GAS6: variants seen among roughly 807,000 people sequenced by gnomAD.
The protein encoded by GAS6 is growth arrest-specific protein 6.
Under a neutral mutation model 75.8 loss-of-function variants are expected in GAS6, and 41 were observed. The ratio of observed to expected loss-of-function variants is 0.54; its 90% CI spans 0.42 to 0.70. The LOEUF is 0.70. Among genes scored for constraint, GAS6 ranks in the 30% least tolerant of loss-of-function variants. The probability of loss-of-function intolerance (pLI) is 0.00; values close to 1 mark genes in which losing one functional copy is unlikely to be tolerated. For missense variants in GAS6, 854 were observed against 940.2 expected (o/e 0.91, Z 1.20); for synonymous variants, 432 against 412.6 (o/e 1.05, Z -0.57).
chr13:113,858,941 C>CATT (rs2051943268), intron 2 of GAS6, among the ~76,000 whole-genome samples: 1 of 140,936 alleles, frequency 7.1e-6, no homozygotes, highest in African/African-American at 2.7e-5. Flanking sequence ...GTGTGCGTGT[C>CATT]ATGCATGTGT....
At chr13:113,859,061 T>C (rs2051945565) in intron 2 of GAS6, among the ~76,000 whole-genome samples, 1 of 151,738 alleles carries the variant, frequency 6.6e-6, no homozygotes, top group African/African-American at 2.4e-5. Flanking sequence ...TGACTGTGTG[T>C]ACGTATGTCT....
intron 13 of GAS6, chr13:113,823,089 A>T (rs2051481845): frequency 2.8e-6 from 1 of 361,012 alleles, no homozygotes; most frequent in African/African-American, 2.1e-5. Flanking sequence ...GATTGCTGTG[A>T]GCCACCATCT....
chr13:113,842,854 C>T (rs2051800659), intron 4 of GAS6: 1 of 396,944 alleles, frequency 2.5e-6, no homozygotes, highest in East Asian at 3.6e-5. Flanking sequence ...TTGACTTTGC[C>T]TGGAATGCCT....
intron 2 of GAS6, among the ~76,000 whole-genome samples, chr13:113,856,741 GA>G (rs1369811728): frequency 6.6e-6 from 1 of 152,224 alleles, no homozygotes; most frequent in Non-Finnish European, 1.5e-5. Flanking sequence ...AGACAGTCCA[GA>G]CACACCCAAA....
rs892914341 is a variant in GAS6, at chr13:113,843,061, G to A, written c.344-3211C>T. The stretch of plus-strand genomic sequence containing the variant: ...ACACCTGAGGGGTGGACAGTCAGCC[G>A]GTGCCCAGCAAATATCTGTGGAATT... On this transcript the variant is annotated intron_variant, in intron 4 of 14. Coordinates refer to ENST00000327773, the MANE Select transcript of GAS6 (RefSeq NM_000820.4). 7 of 388,342 alleles carry A rather than the reference G, an allele frequency of 1.8e-5. No homozygotes were observed. The South Asian group carries it at 5.8e-4, about 32-fold the overall frequency. 24.1% of individuals were successfully genotyped at this position (388,342 alleles called of 1,614,324 possible). A position where few individuals can be genotyped will look rare whatever the true frequency, so the allele number is the denominator to read the frequency against.
intron 2 of GAS6, among the ~76,000 whole-genome samples, chr13:113,859,651 T>C (rs1288073384): frequency 6.6e-6 from 1 of 152,162 alleles, no homozygotes; most frequent in Non-Finnish European, 1.5e-5. Flanking sequence ...TGGGAACATA[T>C]GTACATGTGT....
Position 113,839,984 on chromosome 13 carries a change from C to T in GAS6, c.344-134G>A, listed in dbSNP as rs9604489. On this transcript the variant is annotated intron_variant, in intron 4 of 14. Coordinates refer to ENST00000327773, the MANE Select transcript of GAS6 (RefSeq NM_000820.4). The stretch of plus-strand genomic sequence containing the variant: ...CTCTGAGGGGCGCAGGCTGAGGCAG[C>T]CCCTGGGCACCCGAGCCCTCTGTGC... The T allele has an allele frequency of 0.013, 17,325 of 1,311,612 alleles. 693 individuals are homozygous for T. The African/African-American group carries it at 0.14, about 10-fold the overall frequency. The allele number at this position is 1,311,612 out of a possible 1,614,324, so 81.2% of individuals were successfully genotyped here.
chr13:113,834,817 G>T, intron 7 of GAS6, 145 bp from the exon 8 acceptor site: 1 of 851,394 alleles, frequency 1.2e-6, no homozygotes, highest in Non-Finnish European at 1.6e-6. Context: ...TGGGGGTCGC[G>T]TCCCCCCCCA....
chr13:113,825,082 G>A (rs1252051152), intron 12 of GAS6, among the ~76,000 whole-genome samples: 1 of 152,018 alleles, frequency 6.6e-6, no homozygotes, highest in Non-Finnish European at 1.5e-5. Context: ...GCTGGGTGTG[G>A]TGGTGCATGC....
At position 113,832,470 on chromosome 13, in the gene GAS6, G is replaced by C. The variant is rs368353540; in HGVS notation, c.972C>G (p.Asp324Glu). 1 of 1,601,702 alleles carries C rather than the reference G, an allele frequency of 6.2e-7. No homozygotes were observed. Among genetic ancestry groups the C allele is most frequent in the African/African-American group, 1.3e-5 (1 of 74,772 alleles). ...LQPTRLVAEF[D>E]FRTFDPEGIL... ...TGCCCTCGGGGTCAAAGGTCCGGAA[G>C]TCAAACTCAGCTACCAGCCTGGGCA... Residue 324 changes from aspartate (D) to glutamate (E), a missense_variant, in exon 10 of 15, where the codon GAC becomes GAG. Coordinates refer to ENST00000327773, the MANE Select transcript of GAS6 (RefSeq NM_000820.4).
At chr13:113,842,992 C>T in intron 4 of GAS6, 1 of 395,698 alleles carries the variant, frequency 2.5e-6, no homozygotes, top group Non-Finnish European at 4.4e-6. Flanking sequence ...GTTTATTTCC[C>T]TGTTGGGAAT....
chr13:113,853,922 C>T (rs545496526), intron 2 of GAS6, among the ~76,000 whole-genome samples: 4 of 152,328 alleles, frequency 2.6e-5, no homozygotes, highest in Admixed American at 6.5e-5. Context: ...TCTTCACACC[C>T]GCAGCAGCCT....
Position 113,839,326 on chromosome 13 carries a change from C to T in GAS6, c.466+402G>A, listed in dbSNP as rs1034212941. 7 of 189,346 alleles carry T rather than the reference C, an allele frequency of 3.7e-5. No homozygotes were observed. The South Asian group carries it at 8.5e-4, about 23-fold the overall frequency. The allele number at this position is 189,346 out of a possible 1,614,324, so 11.7% of individuals were successfully genotyped here. ...AAGGACGGTCAGAGGTGAAATCTCC[C>T]CCCGGCCTTTCAATCAGTGGGTGCC... On this transcript the variant is annotated intron_variant, in intron 5 of 14. Transcript: ENST00000327773.
At chr13:113,839,321 T>C in intron 5 of GAS6, 2 of 183,624 alleles carry the variant, frequency 1.1e-5, no homozygotes, top group South Asian at 1.3e-4. Context: ...AGAGGTGAAA[T>C]CTCCCCCCGG....
At chr13:113,846,845 C>T (rs1259433182) in intron 3 of GAS6, 9 of 531,296 alleles carry the variant, frequency 1.7e-5, no homozygotes, top group East Asian at 3.4e-5. Flanking sequence ...CCCGCCGTTT[C>T]GAGGGGGCTC....
intron 12 of GAS6, among the ~76,000 whole-genome samples, chr13:113,824,011 C>G (rs73583237): frequency 1.4e-5 from 2 of 145,202 alleles, no homozygotes; most frequent in East Asian, 3.9e-4. Context: ...AGATAGCATG[C>G]GGACAGGAGC....
rs2051849055 is a variant in GAS6, at chr13:113,848,229, G to A, written c.256-179C>T. Among the ~76,000 whole-genome samples the A allele has an allele frequency of 6.6e-6, 1 of 152,108 alleles. No individual in the cohort carries two copies. Among genetic ancestry groups the A allele is most frequent in the Non-Finnish European group, 1.5e-5 (1 of 68,016 alleles). On this transcript the variant is annotated intron_variant, in intron 2 of 14. Transcript: ENST00000327773. The surrounding 1 kb of genome is among the most constrained non-coding windows in gnomAD (Gnocchi z 4.8). ...ACTGCTGTGAGACCAACAAGCAAAG[G>A]CAGGGCCATTTCCAGCTGCGTAGGA...
intron 2 of GAS6, among the ~76,000 whole-genome samples, chr13:113,852,516 G>T (rs1422445488): frequency 6.6e-6 from 1 of 152,166 alleles, no homozygotes; most frequent in East Asian, 1.9e-4. Context: ...CCCCAAATTT[G>T]TTATAAAACT....
In GAS6 at chr13:113,863,577, T is replaced by A; in HGVS notation, c.253A>T (p.Thr85Ser). 1 of 1,512,802 alleles carries A rather than the reference T, an allele frequency of 6.6e-7. No individual in the cohort carries two copies. Among genetic ancestry groups the A allele is most frequent in the Non-Finnish European group, 8.8e-7 (1 of 1,133,504 alleles). 93.7% of individuals were successfully genotyped at this position (1,512,802 alleles called of 1,614,324 possible). Reference sequence around the variant, plus strand: ...CATCCCGCCCGCCGGCTGCTCACCGTCTCGGGGTCGTTCTCGAACACCTCC... The same window carrying A: ...CATCCCGCCCGCCGGCTGCTCACCGACTCGGGGTCGTTCTCGAACACCTCC... The part of the protein sequence containing the change: ...AREVFENDPE[T>S]DYFYPRYLDC... The change falls in exon 2 of 15, where the codon ACG becomes TCG. Residue 85 changes from threonine (T) to serine (S), a missense_variant and splice_region_variant. Transcript: ENST00000327773. This position sits in a 1 kb window ranked among gnomAD's most constrained non-coding sequence, Gnocchi z 9.4.
Sources: gnomAD v4.1 joint callset for allele counts (sites outside exome capture counted in the v4.1 genomes callset) on GRCh38, gnomAD v4.1.1 for gene constraint, Gnocchi (gnomAD v3.1) non-coding constraint, MANE v1.5 for transcripts, NCBI Gene and HGNC (gene_info 2026-07-23, HGNC 2026-07-21) for gene names.